RTL1: variants seen among roughly 807,000 people sequenced by gnomAD.
The protein encoded by RTL1 is retrotransposon Gag like 1, also known as retrotransposon-like protein 1.
For synonymous variants in RTL1, 727 were observed against 748.4 expected, an observed-to-expected ratio of 0.97 and a Z score of 0.47; for missense variants, 1,681 against 1,767.5, an observed-to-expected ratio of 0.95 and a Z score of 0.88.
chr14:100,899,664 G>A (rs2038915252), intron 2 of RTL1, among the ~76,000 whole-genome samples: 1 of 149,658 alleles, frequency 6.7e-6, no homozygotes, highest in African/African-American at 2.5e-5. Context: ...TGAGCTGCGT[G>A]TCCTTGGCAA....
At chr14:100,887,956 A>G (rs1187781725) in intron 3 of RTL1, among the ~76,000 whole-genome samples, 2 of 152,170 alleles carry the variant, frequency 1.3e-5, no homozygotes, top group African/African-American at 4.8e-5. Flanking sequence ...CCTTGTGCCC[A>G]GGGGATACCT....
Position 100,883,574 on chromosome 14 carries a change from A to G in RTL1, c.1215T>C (p.Asn405=). 6.4e-7 allele frequency: 1 copy of G among 1,551,372 alleles called. No homozygotes were observed. Among genetic ancestry groups the G allele is most frequent in the Non-Finnish European group, 8.7e-7 (1 of 1,146,966 alleles). ...WLPSEVHPDI[N]RAHLFLLLMV... ...TGAGCAGCAGGAAGAGGTGGGCGCG[A>G]TTGATGTCCGGATGGACTTCGCTGG... Residue 405 remains asparagine, a synonymous_variant, in exon 4 of 4, where the codon AAT becomes AAC. Coordinates refer to ENST00000649591, the MANE Select transcript of RTL1 (RefSeq NM_001134888.3). This position sits in a 1 kb window ranked among gnomAD's most constrained non-coding sequence, Gnocchi z 5.9.
chr14:100,903,079 A>G (rs1009721011), intron 2 of RTL1, among the ~76,000 whole-genome samples: 2 of 152,212 alleles, frequency 1.3e-5, no homozygotes, highest in African/African-American at 2.4e-5. Flanking sequence ...CCACATCTGC[A>G]TTTAATAGAC....
chr14:100,888,966 A>G (rs532367372), intron 3 of RTL1, among the ~76,000 whole-genome samples: 2 of 152,246 alleles, frequency 1.3e-5, no homozygotes, highest in East Asian at 1.9e-4. Flanking sequence ...TACTTTTACA[A>G]TTTCCAGTGT....
Position 100,881,166 on chromosome 14 carries a change from T to C in RTL1, c.3623A>G (p.Glu1208Gly), listed in dbSNP as rs1420807170. 5 of 1,541,952 alleles carry C rather than the reference T, an allele frequency of 3.2e-6. No homozygotes were observed. In the South Asian group the frequency reaches 6.1e-5, roughly 19 times the overall value. Reference sequence around the variant, plus strand: ...CTGACGCAGGGCAGGGAGGTGGCCCTCCTGGGGGGTGACTCTGACACCGAA... The same window carrying C: ...CTGACGCAGGGCAGGGAGGTGGCCCCCCTGGGGGGTGACTCTGACACCGAA... ...EFFGVRVTPQ[E>G]GHLPALRQNR... The change falls in exon 4 of 4, where the codon GAG (glutamate) becomes GGG (glycine). Residue 1208 changes from glutamate (E) to glycine (G), a missense_variant. Glu to Gly is a moderately conservative substitution (Grantham distance 98). Coordinates refer to ENST00000649591, the MANE Select transcript of RTL1 (RefSeq NM_001134888.3). The surrounding 1 kb of genome is among the most constrained non-coding windows in gnomAD (Gnocchi z 6.6).
rs900414293 is a variant in RTL1, at chr14:100,884,407, G to A, written c.382C>T (p.Pro128Ser). The A allele has an allele frequency of 3.7e-6, 6 of 1,608,632 alleles. No individual in the cohort carries two copies. In the Admixed American group the frequency reaches 1.0e-4, roughly 27 times the overall value. ...SDRMKEASVN[P>S]SGAREEQEAH... Reference sequence around the variant, plus strand: ...TCTTGTTCTTCTCGGGCTCCCGATGGGTTGACTGATGCTTCTTTCATCCTA... The same window carrying A: ...TCTTGTTCTTCTCGGGCTCCCGATGAGTTGACTGATGCTTCTTTCATCCTA... Residue 128 changes from proline (P) to serine (S), a missense_variant, in exon 4 of 4, where the codon CCA becomes TCA. Physicochemically the swap from Pro to Ser is moderately conservative, Grantham distance 74. Transcript: ENST00000649591.
chr14:100,898,102 A>G (rs920281709), intron 2 of RTL1: 9 of 319,144 alleles, frequency 2.8e-5, no homozygotes, highest in Admixed American at 8.7e-5. Context: ...TGAAAATCCC[A>G]GCTGAAAGTG....
At position 100,881,873 on chromosome 14, in the gene RTL1, G is replaced by T. The variant is rs2038619868; in HGVS notation, c.2916C>A (p.Phe972Leu). 6.2e-7 allele frequency: 1 copy of T among 1,613,748 alleles called. No individual in the cohort carries two copies. Among genetic ancestry groups the T allele is most frequent in the Non-Finnish European group, 8.5e-7 (1 of 1,180,034 alleles). Residue 972 changes from phenylalanine (F) to leucine (L), a missense_variant, in exon 4 of 4, where the codon TTC becomes TTA. By Grantham distance (22) the Phe-to-Leu change is conservative. Transcript: ENST00000649591. The surrounding 1 kb of genome is among the most constrained non-coding windows in gnomAD (Gnocchi z 6.6). ...LTVLLPGHWV[F>L]FFSHFNFDVM... is the part of the protein sequence containing the mutation. Reference sequence around the variant, plus strand: ...CGTCAAAGTTGAAGTGGGAGAAGAAGAAGACCCAATGCCCGGGGAGAAGTA... The same window carrying T: ...CGTCAAAGTTGAAGTGGGAGAAGAATAAGACCCAATGCCCGGGGAGAAGTA...
chr14:100,882,793 G>GTT lies in RTL1; in HGVS notation c.1994_1995dup (p.Leu666AsnfsTer13). On this transcript the variant is annotated frameshift_variant, in exon 4 of 4. Transcript: ENST00000649591. LOFTEE classifies it low-confidence loss of function (END_TRUNC). ...TCCACAATGGTCCCACGCAGCTCCAGTTTTGTGAACCACTCGGCTCCGTGT... is the reference window on the plus strand; with the variant it reads ...TCCACAATGGTCCCACGCAGCTCCAGTTTTTTGTGAACCACTCGGCTCCGTGT... 6.4e-7 allele frequency: 1 copy of GTT among 1,551,902 alleles called. No homozygotes were observed. Among genetic ancestry groups the GTT allele is most frequent in the Non-Finnish European group, 8.7e-7 (1 of 1,147,058 alleles).
At position 100,881,167 on chromosome 14, in the gene RTL1, C is replaced by T; in HGVS notation, c.3622G>A (p.Glu1208Lys). Residue 1208 changes from glutamate to lysine, a missense_variant, in exon 4 of 4, where the codon GAG becomes AAG. Coordinates refer to ENST00000649591, the MANE Select transcript of RTL1 (RefSeq NM_001134888.3). This position sits in a 1 kb window ranked among gnomAD's most constrained non-coding sequence, Gnocchi z 6.6. ...EFFGVRVTPQ[E>K]GHLPALRQNR... Reference sequence around the variant, plus strand: ...TGACGCAGGGCAGGGAGGTGGCCCTCCTGGGGGGTGACTCTGACACCGAAG... The same window carrying T: ...TGACGCAGGGCAGGGAGGTGGCCCTTCTGGGGGGTGACTCTGACACCGAAG... 1 of 1,542,368 alleles carries T rather than the reference C, an allele frequency of 6.5e-7. No homozygotes were observed. Among genetic ancestry groups the T allele is most frequent in the Non-Finnish European group, 8.8e-7 (1 of 1,142,330 alleles).
chr14:100,896,865 C>G (rs1240844238), intron 2 of RTL1, among the ~76,000 whole-genome samples: 1 of 152,210 alleles, frequency 6.6e-6, no homozygotes, highest in Non-Finnish European at 1.5e-5. Context: ...CGGGCCGCAG[C>G]TCTCTAGAGG....
In RTL1 at chr14:100,880,991, C is replaced by T; in HGVS notation, c.3798G>A (p.Glu1266=). 6.4e-7 allele frequency: 1 copy of T among 1,562,990 alleles called. No individual in the cohort carries two copies. The highest frequency in any genetic ancestry group is 1.2e-5 in the South Asian group (1 of 84,888). The change falls in exon 4 of 4, where the codon GAG becomes GAA. Residue 1266 remains glutamate (E), a synonymous_variant. Coordinates refer to ENST00000649591, the MANE Select transcript of RTL1 (RefSeq NM_001134888.3). ...TGGCTGCTGTGTGGCTGGGTGGGGC[C>T]TCCTGCACGTCGTTGTCCTGCTTGT... is the stretch of plus-strand genomic sequence containing the variant. The part of the protein sequence containing the change: ...SQDKQDNDVQ[E]APPSHTAATH...
rs112530165 is a variant in RTL1, at chr14:100,898,016, C to T, written c.-148-4511G>A. ...TCCATTAGAAGACAATAGGTCTTGGCTGTTTCATTCCTTTTAAGAGCTGTT... is the reference window on the plus strand; with the variant it reads ...TCCATTAGAAGACAATAGGTCTTGGTTGTTTCATTCCTTTTAAGAGCTGTT... On this transcript the variant is annotated intron_variant, in intron 2 of 3. Coordinates refer to ENST00000649591, the MANE Select transcript of RTL1 (RefSeq NM_001134888.3). The T allele has an allele frequency of 5.8e-5, 29 of 501,646 alleles. No homozygotes were observed. In the East Asian group the frequency reaches 8.9e-4, roughly 15 times the overall value. The allele number at this position is 501,646 out of a possible 1,614,324, so 31.1% of individuals were successfully genotyped here.
At chr14:100,890,646 C>T (rs1444602102) in intron 3 of RTL1, among the ~76,000 whole-genome samples, 1 of 152,116 alleles carries the variant, frequency 6.6e-6, no homozygotes, top group Non-Finnish European at 1.5e-5. Context: ...CCCAGTCACA[C>T]CTGGGGCCCC....
At position 100,884,469 on chromosome 14, in the gene RTL1, T is replaced by C; in HGVS notation, c.320A>G (p.His107Arg). Residue 107 changes from histidine to arginine, a missense_variant, in exon 4 of 4, where the codon CAC becomes CGC. By Grantham distance (29) the His-to-Arg change is conservative. Coordinates refer to ENST00000649591, the MANE Select transcript of RTL1 (RefSeq NM_001134888.3). ...ACTGAGTGGATCCCCCCTTGCCTGG[T>C]GTGAACCGTTGCATGACTCCTCCAG... The part of the protein sequence containing the change: ...QDLEESCNGS[H>R]QARGDPLSGA... The C allele has an allele frequency of 6.2e-7, 1 of 1,614,196 alleles. No individual in the cohort carries two copies. The highest frequency in any genetic ancestry group is 8.5e-7 in the Non-Finnish European group (1 of 1,180,044).
chr14:100,892,158 C>A (rs903842895), intron 3 of RTL1, among the ~76,000 whole-genome samples: 6 of 152,162 alleles, frequency 3.9e-5, no homozygotes, highest in Non-Finnish European at 4.4e-5. Context: ...AAGAGTGGAA[C>A]CTGCTCATCT....
At position 100,881,883 on chromosome 14, in the gene RTL1, T is replaced by C; in HGVS notation, c.2906A>G (p.His969Arg). The C allele has an allele frequency of 6.2e-7, 1 of 1,613,634 alleles. No individual in the cohort carries two copies. Among genetic ancestry groups the C allele is most frequent in the Non-Finnish European group, 8.5e-7 (1 of 1,180,014 alleles). ...GAAGTGGGAGAAGAAGAAGACCCAATGCCCGGGGAGAAGTACGGTGAGCCT... is the reference window on the plus strand; with the variant it reads ...GAAGTGGGAGAAGAAGAAGACCCAACGCCCGGGGAGAAGTACGGTGAGCCT... The part of the protein sequence containing the change: ...NDRLTVLLPG[H>R]WVFFFSHFNF... The change falls in exon 4 of 4, where the codon CAT becomes CGT. Residue 969 changes from histidine to arginine, a missense_variant. By Grantham distance (29) the His-to-Arg change is conservative. Coordinates refer to ENST00000649591, the MANE Select transcript of RTL1 (RefSeq NM_001134888.3). The surrounding 1 kb of genome is among the most constrained non-coding windows in gnomAD (Gnocchi z 6.6).
At chr14:100,891,327 T>G (rs1595340693) in intron 3 of RTL1, among the ~76,000 whole-genome samples, 1 of 152,212 alleles carries the variant, frequency 6.6e-6, no homozygotes, top group African/African-American at 2.4e-5. Flanking sequence ...CCGAGGTCCT[T>G]GAATGCCAGG....
In RTL1 at chr14:100,880,577, C is replaced by G. The variant is rs927048099; in HGVS notation, c.*135G>C. 1 of 1,461,292 alleles carries G rather than the reference C, an allele frequency of 6.8e-7. No homozygotes were observed. The highest frequency in any genetic ancestry group is 9.0e-7 in the Non-Finnish European group (1 of 1,106,892). The allele number at this position is 1,461,292 out of a possible 1,614,324, so 90.5% of individuals were successfully genotyped here. Reference sequence around the variant, plus strand: ...GAGTTGAAGAAGTTGTTGCCCTTCACAAGTGGGTTCCTCTTGGGTCAGGAG... The same window carrying G: ...GAGTTGAAGAAGTTGTTGCCCTTCAGAAGTGGGTTCCTCTTGGGTCAGGAG... On this transcript the variant is annotated 3_prime_UTR_variant, in exon 4 of 4. Coordinates refer to ENST00000649591, the MANE Select transcript of RTL1 (RefSeq NM_001134888.3).
Sources: allele counts gnomAD v4.1 joint callset (sites outside exome capture counted in the v4.1 genomes callset), GRCh38; gene constraint gnomAD v4.1.1; non-coding constraint Gnocchi (gnomAD v3.1); transcripts MANE v1.5; gene names NCBI Gene and HGNC (gene_info 2026-07-23, HGNC 2026-07-21).